Variants in CCDC38 observed in about 807,000 individuals in gnomAD.
The protein encoded by CCDC38 is coiled-coil domain containing 38, also known as coiled-coil domain-containing protein 38.
In CCDC38, 69 loss-of-function variants were observed where a neutral mutation model predicts 72.8. The ratio of observed to expected loss-of-function variants is 0.95; its 90% CI spans 0.78 to 1.16. The LOEUF is 1.16. Among genes scored for constraint, CCDC38 ranks in the 50% most tolerant of loss-of-function variants. The probability of loss-of-function intolerance (pLI) is 0.00; values close to 1 mark genes in which losing one functional copy is unlikely to be tolerated. For synonymous variants in CCDC38, 201 were observed against 213.2 expected (o/e 0.94, Z 0.50); for missense variants, 626 against 638.9 (o/e 0.98, Z 0.22).
At chr12:95,869,167 T>C (rs2079553986) in intron 15 of CCDC38, among the ~76,000 whole-genome samples, 1 of 152,216 alleles carries the variant, frequency 6.6e-6, no homozygotes, top group Non-Finnish European at 1.5e-5. Flanking sequence ...CTTGTATCTT[T>C]TGAACTTTGA....
At chr12:95,931,441 AG>A (rs1445135707) in intron 2 of CCDC38, among the ~76,000 whole-genome samples, 11 of 152,360 alleles carry the variant, frequency 7.2e-5, no homozygotes, top group African/African-American at 2.6e-4. Flanking sequence ...TACAGGTTCC[AG>A]GGATTAGAAT....
intron 2 of CCDC38, among the ~76,000 whole-genome samples, chr12:95,932,902 A>T (rs1387250009): frequency 6.6e-6 from 1 of 152,162 alleles, no homozygotes; most frequent in Non-Finnish European, 1.5e-5. Flanking sequence ...AGACAAATTC[A>T]CTAATGGACT....
intron 7 of CCDC38, among the ~76,000 whole-genome samples, chr12:95,895,619 G>C (rs1299912543): frequency 1.3e-5 from 2 of 151,988 alleles, no homozygotes; most frequent in Admixed American, 6.6e-5. Flanking sequence ...CAGGTATGGT[G>C]GTGGGCGCCT....
intron 2 of CCDC38, chr12:95,935,003 G>C (rs1032337548): frequency 3.9e-5 from 6 of 152,092 alleles, no homozygotes; most frequent in African/African-American, 1.4e-4. Context: ...GAAGCTGTCT[G>C]TCTAGTATCC....
intron 4 of CCDC38, among the ~76,000 whole-genome samples, chr12:95,916,080 G>T (rs184668727): frequency 1.1e-3 from 162 of 152,258 alleles, no homozygotes; most frequent in African/African-American, 3.6e-3. Flanking sequence ...ATGACCTAAG[G>T]TTTACCACTC....
At position 95,905,017 on chromosome 12, in the gene CCDC38, G is replaced by A. The variant is rs371686931; in HGVS notation, c.369+1370C>T. Among the ~76,000 whole-genome samples, 6 of 152,182 alleles carry A rather than the reference G, an allele frequency of 3.9e-5. No homozygotes were observed. In the East Asian group the frequency reaches 1.2e-3, roughly 29 times the overall value. On this transcript the variant is annotated intron_variant, in intron 5 of 15. Coordinates refer to ENST00000344280, the MANE Select transcript of CCDC38 (RefSeq NM_182496.3). ...ACCAAACTTTGTGGATGCTCAAGTC[G>A]CTTATGTAAAATGGAATAGTATTTG...
At chr12:95,909,626 G>T (rs1242429900) in intron 4 of CCDC38, among the ~76,000 whole-genome samples, 8 of 151,916 alleles carry the variant, frequency 5.3e-5, no homozygotes, top group African/African-American at 1.9e-4. Flanking sequence ...CACTATCCTT[G>T]ATGAACATAG....
intron 2 of CCDC38, among the ~76,000 whole-genome samples, chr12:95,932,317 C>G (rs890163735): frequency 6.6e-6 from 1 of 152,126 alleles, no homozygotes; most frequent in Non-Finnish European, 1.5e-5. Context: ...ACAGAATTCC[C>G]TAATAGATTG....
At chr12:95,932,750 G>T in intron 2 of CCDC38, among the ~76,000 whole-genome samples, 1 of 152,172 alleles carries the variant, frequency 6.6e-6, no homozygotes, top group East Asian at 1.9e-4. Flanking sequence ...TCCCATACGA[G>T]TTTCTCTAAA....
chr12:95,919,101 A>C (rs1351813766), intron 2 of CCDC38, 125 bp from the exon 3 acceptor site: 1 of 638,962 alleles, frequency 1.6e-6, no homozygotes, highest in African/African-American at 1.8e-5. Flanking sequence ...AGGTAGTGTT[A>C]AAAGAAAAAC....
intron 2 of CCDC38, among the ~76,000 whole-genome samples, chr12:95,931,535 G>A (rs1049921747): frequency 6.6e-6 from 1 of 152,074 alleles, no homozygotes; most frequent in East Asian, 1.9e-4. Flanking sequence ...CACTCTATTT[G>A]TCTTGTCCTA....
At chr12:95,933,392 C>T (rs1456196842) in intron 2 of CCDC38, 1 of 152,054 alleles carries the variant, frequency 6.6e-6, no homozygotes, top group South Asian at 2.1e-4. Context: ...ATTAAATAAG[C>T]ATTTAACAGA....
rs146024169 is a variant in CCDC38 at position 95,870,902 on chromosome 12, A to T, written c.1485-1329T>A. Among the ~76,000 whole-genome samples the T allele has an allele frequency of 8.7e-4, 133 of 152,322 alleles. 1 individual carries two copies. In the East Asian group the frequency reaches 0.02, roughly 23 times the overall value. On this transcript the variant is annotated intron_variant, in intron 14 of 15. Coordinates refer to ENST00000344280, the MANE Select transcript of CCDC38 (RefSeq NM_182496.3). ...AAGCATGCTCTCATAATTTACTTGG[A>T]TCATCTAATTTAATCCTCACAACAA... is the stretch of plus-strand genomic sequence containing the variant.
At chr12:95,923,648 C>T (rs1261818743) in intron 2 of CCDC38, among the ~76,000 whole-genome samples, 27 of 152,168 alleles carry the variant, frequency 1.8e-4, no homozygotes, top group African/African-American at 3.4e-4. Flanking sequence ...CCCACTAACT[C>T]GTCATCTAGC....
rs537769787 is a variant in CCDC38, at chr12:95,898,824, G to A, written c.370-93C>T. ...ACACAGCAAGTGAACATTTGTATTAGAAATAATAGTACGCCTAAATCTTGG... is the reference window on the plus strand; with the variant it reads ...ACACAGCAAGTGAACATTTGTATTAAAAATAATAGTACGCCTAAATCTTGG... On this transcript the variant is annotated intron_variant, in intron 5 of 15. Coordinates refer to ENST00000344280, the MANE Select transcript of CCDC38 (RefSeq NM_182496.3). 32 of 1,222,654 alleles carry A rather than the reference G, an allele frequency of 2.6e-5. No individual in the cohort carries two copies. The South Asian group carries it at 4.1e-4, about 16-fold the overall frequency. The allele number at this position is 1,222,654 out of a possible 1,614,324, so 75.7% of individuals were successfully genotyped here. A position where few individuals can be genotyped will look rare whatever the true frequency, so the allele number is the denominator to read the frequency against.
At chr12:95,909,436 G>A (rs531049052) in intron 4 of CCDC38, among the ~76,000 whole-genome samples, 2 of 152,168 alleles carry the variant, frequency 1.3e-5, no homozygotes, top group South Asian at 2.1e-4. Flanking sequence ...TAAAGCCCTG[G>A]ACCAGATGGA....
intron 4 of CCDC38, among the ~76,000 whole-genome samples, chr12:95,906,887 G>T (rs900719109): frequency 6.7e-6 from 1 of 149,234 alleles, no homozygotes; most frequent in Non-Finnish European, 1.5e-5. Flanking sequence ...ATTTGGCAGG[G>T]TCACAGGACA....
intron 4 of CCDC38, among the ~76,000 whole-genome samples, chr12:95,915,626 AG>A (rs59806652): frequency 0.092 from 13,978 of 152,250 alleles, 807 homozygotes; most frequent in Non-Finnish European, 0.12. Context: ...GGATTCAGGC[AG>A]GGGATGCAAG....
intron 13 of CCDC38, among the ~76,000 whole-genome samples, chr12:95,877,808 G>A (rs1313282762): frequency 1.3e-5 from 2 of 152,144 alleles, no homozygotes; most frequent in Non-Finnish European, 2.9e-5. Context: ...CTCAGTGTTG[G>A]GAAAATTTTC....
Sources: gnomAD v4.1 joint callset for allele counts (sites outside exome capture counted in the v4.1 genomes callset) on GRCh38, gnomAD v4.1.1 for gene constraint, MANE v1.5 for transcripts, NCBI Gene and HGNC (gene_info 2026-07-23, HGNC 2026-07-21) for gene names.